Variants in NAE1 observed in about 807,000 individuals in gnomAD.
The protein encoded by NAE1 is NEDD8 activating enzyme E1 subunit 1.
NAE1 carries 59 observed loss-of-function variants against 88.0 expected under a neutral mutation model. The ratio of observed to expected loss-of-function variants is 0.67; its 90% CI spans 0.54 to 0.83. The LOEUF is 0.83. Among genes scored for constraint, NAE1 ranks in the 40% least tolerant of loss-of-function variants. The probability of loss-of-function intolerance (pLI) is 0.00; values close to 1 mark genes in which losing one functional copy is unlikely to be tolerated. For synonymous variants in NAE1, 186 were observed against 208.9 expected (o/e 0.89, Z 0.95); for missense variants, 554 against 632.8 (o/e 0.88, Z 1.34).
chr16:66,826,052 G>A (rs953506790), intron 3 of NAE1: 1 of 157,036 alleles, frequency 6.4e-6, no homozygotes, highest in Admixed American at 6.1e-5. Context: ...CCCTGAAAAG[G>A]TGAGCTTTAA....
chr16:66,826,626 G>A, intron 2 of NAE1, 43 bp from the exon 3 acceptor site: 1 of 1,613,332 alleles, frequency 6.2e-7, no homozygotes, highest in Non-Finnish European at 8.5e-7. Context: ...ATAGTTCTAG[G>A]TCATAAACTT....
chr16:66,806,428 C>CT (rs897924997), intron 17 of NAE1, among the ~76,000 whole-genome samples: 43 of 147,942 alleles, frequency 2.9e-4, no homozygotes, highest in African/African-American at 4.9e-4. Flanking sequence ...TAATAGGTAA[C>CT]TTTTTTTTTT....
intron 1 of NAE1, chr16:66,827,586 ATTAGATGCATTTAAGTTAAG>A (rs1960518878): frequency 1.3e-5 from 2 of 158,462 alleles, no homozygotes; most frequent in Middle Eastern, 8.3e-4. Flanking sequence ...AAAAAATTAT[ATTAGATGCATTTAAGTTAAG>A]TTAGATGCAT....
At chr16:66,826,438 C>T (rs1960466408) in intron 3 of NAE1, 85 bp downstream of exon 3, 8 of 1,257,104 alleles carry the variant, frequency 6.4e-6, no homozygotes, top group South Asian at 3.8e-5. Flanking sequence ...CACTGAGAGT[C>T]GAGTCACCCT....
intron 8 of NAE1, 104 bp from the exon 9 acceptor site, chr16:66,817,591 T>C (rs904118038): frequency 6.4e-6 from 5 of 781,506 alleles, no homozygotes; most frequent in African/African-American, 1.8e-5. Context: ...TCCTAATATA[T>C]GCAGAGTAGT....
At chr16:66,811,753 T>C (rs566278353) in intron 13 of NAE1, among the ~76,000 whole-genome samples, 5 of 152,332 alleles carry the variant, frequency 3.3e-5, no homozygotes, top group African/African-American at 1.2e-4. Context: ...AAATCATCAG[T>C]GTTCAGGCTG....
At chr16:66,823,508 A>G in intron 5 of NAE1, 21 bp downstream of exon 5, 1 of 1,585,406 alleles carries the variant, frequency 6.3e-7, no homozygotes. Flanking sequence ...CACAGACATA[A>G]TAATGTGTGT....
intron 6 of NAE1, among the ~76,000 whole-genome samples, chr16:66,822,794 C>CG (rs1052362917): frequency 3.3e-5 from 5 of 149,818 alleles, no homozygotes; most frequent in African/African-American, 1.2e-4. Context: ...CTCAGCTTCC[C>CG]GAGTAGCTGG....
intron 13 of NAE1, 70 bp downstream of exon 13, chr16:66,813,494 G>A: frequency 6.7e-7 from 1 of 1,486,546 alleles, no homozygotes. Context: ...ATTTCTGACA[G>A]GATGATAAAA....
intron 11 of NAE1, among the ~76,000 whole-genome samples, chr16:66,815,358 ACATTT>A (rs1285947861): frequency 6.6e-6 from 1 of 152,172 alleles, no homozygotes; most frequent in African/African-American, 2.4e-5. Context: ...TTCACAAAGC[ACATTT>A]ATTTTTTGGA....
At chr16:66,820,478 C>G (rs1268441940) in intron 7 of NAE1, among the ~76,000 whole-genome samples, 3 of 152,204 alleles carry the variant, frequency 2.0e-5, no homozygotes, top group Non-Finnish European at 4.4e-5. Flanking sequence ...ATTGGACGGA[C>G]CTGGTGCAGT....
chr16:66,822,777 C>A (rs1401695207), intron 6 of NAE1, among the ~76,000 whole-genome samples: 1 of 149,058 alleles, frequency 6.7e-6, no homozygotes, highest in East Asian at 2.0e-4. Context: ...TCAAGCGATT[C>A]TCTTGTCTCA....
rs1371466769 is a variant in NAE1, at chr16:66,812,857, CTG to C, written c.1034+705_1034+706del. Among the ~76,000 whole-genome samples, 5 of 134,598 alleles carry C rather than the reference CTG, an allele frequency of 3.7e-5. No homozygotes were observed. In the East Asian group the frequency reaches 1.1e-3, roughly 30 times the overall value. 88.3% of individuals were successfully genotyped at this position (134,598 alleles called of 152,430 possible). A position where few individuals can be genotyped will look rare whatever the true frequency, so the allele number is the denominator to read the frequency against. On this transcript the variant is annotated intron_variant, in intron 13 of 19. Transcript: ENST00000290810. ...TTTTTTTTTGAGACAGAGTCTCACT[CTG>C]TCGCCCAGGCTGGAGTGCAGTGGTG...
intron 7 of NAE1, among the ~76,000 whole-genome samples, 181 bp from the exon 8 acceptor site, chr16:66,818,818 G>A (rs1396139720): frequency 2.6e-5 from 4 of 152,086 alleles, no homozygotes; most frequent in South Asian, 2.1e-4. Context: ...CTACAGTCTC[G>A]TGTCACTGTG....
chr16:66,817,200 C>G, intron 9 of NAE1, 172 bp from the exon 10 acceptor site: 1 of 962,584 alleles, frequency 1.0e-6, no homozygotes, highest in East Asian at 2.7e-5. Flanking sequence ...TATCTACATT[C>G]ATTCCCCCTG....
Position 66,823,319 on chromosome 16 carries a change from G to T in NAE1, c.322-13C>A. 6.4e-7 allele frequency: 1 copy of T among 1,570,958 alleles called. No individual in the cohort carries two copies. Among genetic ancestry groups the T allele is most frequent in the Non-Finnish European group, 8.6e-7 (1 of 1,161,466 alleles). ...GGTTTTCTGGACTCTAAACAGGACA[G>T]CAAAGAAAAAAACAAACAAAAAAAA... On this transcript the variant is annotated splice_polypyrimidine_tract_variant and intron_variant, in intron 5 of 19. Transcript: ENST00000290810.
intron 9 of NAE1, 190 bp from the exon 10 acceptor site, chr16:66,817,218 CATA>C (rs1960080715): frequency 1.3e-5 from 12 of 897,842 alleles, no homozygotes; most frequent in African/African-American, 3.4e-5. Context: ...CTGCCAGTTT[CATA>C]ATGACATTTA....
chr16:66,817,347 C>T, intron 9 of NAE1, 78 bp downstream of exon 9: 1 of 1,192,700 alleles, frequency 8.4e-7, no homozygotes, highest in Non-Finnish European at 1.2e-6. Context: ...ATTAATCTCC[C>T]ATTCCCCATC....
At chr16:66,829,384 G>A (rs988048645) in intron 1 of NAE1, among the ~76,000 whole-genome samples, 8 of 152,234 alleles carry the variant, frequency 5.3e-5, no homozygotes, top group African/African-American at 1.9e-4. Flanking sequence ...GAAGCAGGAT[G>A]TAACTGAGTA....
Sources: allele counts gnomAD v4.1 joint callset (sites outside exome capture counted in the v4.1 genomes callset), GRCh38; gene constraint gnomAD v4.1.1; transcripts MANE v1.5; gene names NCBI Gene and HGNC (gene_info 2026-07-23, HGNC 2026-07-21).